CYP3A7: variants seen among roughly 807,000 people sequenced by gnomAD.
CYP3A7 encodes the protein cytochrome P450 3A7.
In CYP3A7, 45 loss-of-function variants were observed where a neutral mutation model predicts 55.2. The ratio of observed to expected loss-of-function variants is 0.82; its 90% CI spans 0.64 to 1.05. CYP3A7 has a LOEUF of 1.05. Ranked by LOEUF, CYP3A7 falls within the 50% of genes least tolerant of loss-of-function variation. CYP3A7 has a pLI of 0.00. For missense variants in CYP3A7, 548 were observed against 605.3 expected (o/e 0.91, Z 0.99); for synonymous variants, 180 against 207.4 (o/e 0.87, Z 1.13).
chr7:99,733,800 C>T (rs946046202), intron 1 of CYP3A7, among the ~76,000 whole-genome samples: 3 of 152,220 alleles, frequency 2.0e-5, no homozygotes, highest in Admixed American at 6.5e-5. Flanking sequence ...ATCACTGGCT[C>T]ACAGTCTTGC....
chr7:99,722,441 A>C (rs1351246612), intron 2 of CYP3A7, 93 bp from the exon 3 acceptor site: 5 of 1,495,420 alleles, frequency 3.3e-6, no homozygotes, highest in African/African-American at 1.4e-5. Context: ...ATCCAATGAA[A>C]TTAGACTTGC....
intron 4 of CYP3A7, among the ~76,000 whole-genome samples, chr7:99,719,040 T>C (rs1814079306): frequency 6.6e-6 from 1 of 152,208 alleles, no homozygotes; most frequent in African/African-American, 2.4e-5. Flanking sequence ...TGTTCATGAA[T>C]TGAAAGACCA....
rs760112584 is a variant in CYP3A7 at position 99,709,265 on chromosome 7, A to C, written c.1027-4T>G. 1.3e-4 allele frequency: 212 copies of C among 1,613,376 alleles called. 1 individual carries two copies. The highest frequency in any genetic ancestry group is 1.7e-4 in the Non-Finnish European group (204 of 1,179,780). On this transcript the variant is annotated splice_region_variant and splice_polypyrimidine_tract_variant and intron_variant, in intron 10 of 12. Coordinates refer to ENST00000336374, the MANE Select transcript of CYP3A7 (RefSeq NM_000765.5). Reference sequence around the variant, plus strand: ...CAGTATCATAGGTGGGTGGTGCCTGAAAAGAAAGAAACAGATTTGGATAAA... The same window carrying C: ...CAGTATCATAGGTGGGTGGTGCCTGCAAAGAAAGAAACAGATTTGGATAAA...
chr7:99,722,940 G>T (rs1415536730), intron 2 of CYP3A7, among the ~76,000 whole-genome samples: 2 of 152,138 alleles, frequency 1.3e-5, no homozygotes, highest in Non-Finnish European at 2.9e-5. Flanking sequence ...CAGTTTTCCA[G>T]CTTAACATGA....
In CYP3A7 at chr7:99,720,006, C is replaced by A. The variant is rs77393887; in HGVS notation, c.318+307G>T. Among the ~76,000 whole-genome samples the A allele has an allele frequency of 1.1e-3, 152 of 138,360 alleles. 2 individuals are homozygous for A. In the East Asian group the frequency reaches 0.026, roughly 24 times the overall value. 90.8% of individuals were successfully genotyped at this position (138,360 alleles called of 152,430 possible). On this transcript the variant is annotated intron_variant, in intron 4 of 12. Coordinates refer to ENST00000336374, the MANE Select transcript of CYP3A7 (RefSeq NM_000765.5). ...AGTGTGACTCAGTCCGAAAAACAAA[C>A]AACAAACAACAAACAAAAACAAAAA...
rs1448711327 is a variant in CYP3A7, at chr7:99,735,156, C to T, written c.-63G>A. The T allele has an allele frequency of 1.9e-6, 3 of 1,600,076 alleles. No homozygotes were observed. In the African/African-American group the frequency reaches 4.0e-5, roughly 21 times the overall value. On this transcript the variant is annotated 5_prime_UTR_variant, in exon 1 of 13. Transcript: ENST00000336374. The stretch of plus-strand genomic sequence containing the variant: ...TTTTTCAGCAGCGTGCTGCTGTTTG[C>T]TGGGCTGTGTGTGTGGAGCTTTCCT...
In CYP3A7 at chr7:99,714,085, G is replaced by C. The variant is rs534742428; in HGVS notation, c.798+470C>G. On this transcript the variant is annotated intron_variant, in intron 8 of 12. Transcript: ENST00000336374. ...CTCTGTTCACTCGAGGCTGTCAGAG[G>C]GCTCAAATGTAACACACACTACACT... Among the ~76,000 whole-genome samples the C allele has an allele frequency of 7.9e-5, 12 of 152,228 alleles. No homozygotes were observed. The East Asian group carries it at 1.9e-3, about 24-fold the overall frequency.
At chr7:99,709,774 A>ATGTGTG (rs139790428) in intron 10 of CYP3A7, among the ~76,000 whole-genome samples, 1,712 of 150,262 alleles carry the variant, frequency 0.011, 13 homozygotes, top group Non-Finnish European at 0.014. Context: ...TATTATATAT[A>ATGTGTG]TGTGTGTGTG....
Position 99,717,203 on chromosome 7 carries a change from C to T in CYP3A7, c.495G>A (p.Glu165=), listed in dbSNP as rs1276535202. 3 of 1,613,822 alleles carry T rather than the reference C, an allele frequency of 1.9e-6. No individual in the cohort carries two copies. The Admixed American group carries it at 5.0e-5, about 27-fold the overall frequency. ...GTTTCAAGGTGACAGGCTTGCCTGT[C>T]TCTGCTTCCCGCCTCAGATTTCTCA... ...VLVRNLRREA[E]TGKPVTLKHV... Residue 165 remains glutamate (E), a synonymous_variant, in exon 6 of 13, where the codon GAG becomes GAA. Coordinates refer to ENST00000336374, the MANE Select transcript of CYP3A7 (RefSeq NM_000765.5).
chr7:99,705,338 C>T lies in CYP3A7; in HGVS notation c.*162G>A. 3.8e-6 allele frequency: 3 copies of T among 780,374 alleles called. No homozygotes were observed. Among genetic ancestry groups the T allele is most frequent in the Non-Finnish European group, 6.2e-6 (3 of 481,186 alleles). The allele number at this position is 780,374 out of a possible 1,614,324, so 48.3% of individuals were successfully genotyped here. A position where few individuals can be genotyped will look rare whatever the true frequency, so the allele number is the denominator to read the frequency against. ...TACCAAGTATAACACTCTATACAGA[C>T]CATGAGAGAGCACAATGCACGTACA... On this transcript the variant is annotated 3_prime_UTR_variant, in exon 13 of 13. Transcript: ENST00000336374.
intron 1 of CYP3A7, among the ~76,000 whole-genome samples, chr7:99,732,661 A>G (rs1814672498): frequency 6.6e-6 from 1 of 152,156 alleles, no homozygotes; most frequent in Non-Finnish European, 1.5e-5. Context: ...GATGAAGCAG[A>G]AAAGTTGATG....
At chr7:99,707,754 G>T in intron 12 of CYP3A7, 58 bp downstream of exon 12, 1 of 1,603,744 alleles carries the variant, frequency 6.2e-7, no homozygotes, top group South Asian at 1.1e-5. Context: ...TAAATATATA[G>T]ACCATTCAGT....
chr7:99,721,098 C>G (rs1187566913), intron 3 of CYP3A7: 1 of 152,670 alleles, frequency 6.6e-6, no homozygotes. Context: ...TGACAGGGAA[C>G]AGCTGCTGCA....
At position 99,719,462 on chromosome 7, in the gene CYP3A7, C is replaced by CA. The variant is rs556582700; in HGVS notation, c.318+850dup. ...GTTGATCTAAATCTCATACCTTATA[C>CA]AAAAAATAACACAAAATAGATAGTA... On this transcript the variant is annotated intron_variant, in intron 4 of 12. Transcript: ENST00000336374. Among the ~76,000 whole-genome samples the CA allele has an allele frequency of 2.6e-4, 39 of 152,138 alleles. No individual in the cohort carries two copies. The South Asian group carries it at 7.3e-3, about 28-fold the overall frequency.
intron 4 of CYP3A7, among the ~76,000 whole-genome samples, chr7:99,718,094 G>A (rs935237882): frequency 6.6e-5 from 10 of 152,126 alleles, no homozygotes; most frequent in Non-Finnish European, 1.0e-4. Flanking sequence ...GACACAGGAA[G>A]GGGAACATCA....
chr7:99,719,815 AG>A (rs1268082045), intron 4 of CYP3A7, among the ~76,000 whole-genome samples: 5 of 152,066 alleles, frequency 3.3e-5, no homozygotes, highest in African/African-American at 1.2e-4. Flanking sequence ...CTGGCCAATA[AG>A]GTGAAACCTC....
intron 11 of CYP3A7, among the ~76,000 whole-genome samples, chr7:99,708,186 G>C (rs1813593957): frequency 6.6e-6 from 1 of 152,140 alleles, no homozygotes; most frequent in African/African-American, 2.4e-5. Flanking sequence ...GGAGCTTTCA[G>C]TCTTGTTGAG....
At chr7:99,721,342 T>A in intron 3 of CYP3A7, among the ~76,000 whole-genome samples, 1 of 152,314 alleles carries the variant, frequency 6.6e-6, no homozygotes, top group East Asian at 1.9e-4. Flanking sequence ...TTTCCCAATC[T>A]GTTTCTCTAT....
chr7:99,734,880 C>T, intron 1 of CYP3A7, 143 bp downstream of exon 1: 1 of 1,301,580 alleles, frequency 7.7e-7, no homozygotes, highest in South Asian at 1.2e-5. Flanking sequence ...CTCAGCATCC[C>T]AAAGTTCTGG....
Sources: gnomAD v4.1 joint callset for allele counts (sites outside exome capture counted in the v4.1 genomes callset) on GRCh38, gnomAD v4.1.1 for gene constraint, MANE v1.5 for transcripts, NCBI Gene and HGNC (gene_info 2026-07-23, HGNC 2026-07-21) for gene names.